The following AFDN variants were observed in gnomAD, a reference collection of about 807,000 sequenced individuals.
The protein encoded by AFDN is afadin.
A neutral mutation model predicts 216.6 loss-of-function variants in AFDN; 68 were observed. That is an observed-to-expected ratio of 0.31 (90% CI 0.26 to 0.38). The LOEUF is 0.38. AFDN is among the 10% of genes least tolerant of loss of function. The probability of loss-of-function intolerance (pLI) is 1.00; values close to 1 mark genes in which losing one functional copy is unlikely to be tolerated. For synonymous variants in AFDN, 868 were observed against 853.7 expected (o/e 1.02, Z -0.29); for missense variants, 2,136 against 2,342.0 (o/e 0.91, Z 1.82).
intron 23 of AFDN, among the ~76,000 whole-genome samples, chr6:167,939,300 G>A (rs138049522): frequency 9.8e-4 from 149 of 152,276 alleles, no homozygotes; most frequent in African/African-American, 3.4e-3. Context: ...TGAAAATGTC[G>A]TGAGGTGCCC....
intron 15 of AFDN, among the ~76,000 whole-genome samples, chr6:167,912,887 C>T (rs1207509206): frequency 6.6e-6 from 1 of 152,184 alleles, no homozygotes; most frequent in Non-Finnish European, 1.5e-5. Context: ...AAAGAATTTG[C>T]TCCCTTTAGT....
chr6:167,858,013 A>G (rs944877262), intron 1 of AFDN, among the ~76,000 whole-genome samples: 1 of 152,228 alleles, frequency 6.6e-6, no homozygotes, highest in Non-Finnish European at 1.5e-5. Context: ...AGGGTTTAAA[A>G]TGTTTTTAAT....
Position 167,848,428 on chromosome 6 carries a change from A to G in AFDN, c.106-16123A>G, listed in dbSNP as rs934678906. ...TACTGACGTGAAACTTCATATGAGT[A>G]GATATAGTTTATTTAACAGCTTTGC... On this transcript the variant is annotated intron_variant, in intron 1 of 33. Transcript: ENST00000683244. Among the ~76,000 whole-genome samples, 6 of 152,314 alleles carry G rather than the reference A, an allele frequency of 3.9e-5. No individual in the cohort carries two copies. The South Asian group carries it at 1.2e-3, about 32-fold the overall frequency.
intron 20 of AFDN, 66 bp from the exon 21 acceptor site, chr6:167,918,668 TA>T (rs1791410942): frequency 3.5e-6 from 5 of 1,421,160 alleles, no homozygotes; most frequent in Admixed American, 1.7e-5. Context: ...AGCCTTTGAA[TA>T]GTTGTTGGTC....
intron 29 of AFDN, among the ~76,000 whole-genome samples, chr6:167,950,884 C>T (rs1350172158): frequency 7.2e-5 from 10 of 138,684 alleles, no homozygotes; most frequent in Middle Eastern, 7.6e-3. Flanking sequence ...AAATTTTAGT[C>T]GAGACAGAGA....
chr6:167,865,795 AC>A (rs933471481), intron 2 of AFDN, among the ~76,000 whole-genome samples: 3 of 149,352 alleles, frequency 2.0e-5, no homozygotes, highest in Non-Finnish European at 3.0e-5. Flanking sequence ...TCTTTTTTGA[AC>A]CTTTTTTTTT....
intron 30 of AFDN, among the ~76,000 whole-genome samples, chr6:167,958,672 A>T (rs1170403807): frequency 6.6e-6 from 1 of 152,200 alleles, no homozygotes; most frequent in South Asian, 2.1e-4. Flanking sequence ...AGCCCAAGCT[A>T]GGTCTTCCCT....
intron 2 of AFDN, among the ~76,000 whole-genome samples, chr6:167,865,451 TA>T (rs573727484): frequency 2.2e-4 from 32 of 143,948 alleles, no homozygotes; most frequent in Admixed American, 2.8e-4. Flanking sequence ...CACAAAAAAA[TA>T]AAAAAAAAAA....
intron 1 of AFDN, among the ~76,000 whole-genome samples, chr6:167,831,051 T>C (rs1301636287): frequency 6.6e-6 from 1 of 151,162 alleles, no homozygotes; most frequent in Middle Eastern, 3.2e-3. Context: ...AAGTGATTCT[T>C]GTGCCTCAGC....
intron 23 of AFDN, 79 bp downstream of exon 23, chr6:167,925,170 G>A: frequency 9.9e-7 from 1 of 1,013,194 alleles, no homozygotes; most frequent in Non-Finnish European, 1.6e-6. Flanking sequence ...TGGATCGTGT[G>A]GGAGTACTTT....
rs1274499362 is a variant in AFDN at position 167,880,225 on chromosome 6, T to C, written c.740-135T>C. 1.6e-5 allele frequency: 12 copies of C among 747,362 alleles called. No individual in the cohort carries two copies. In the South Asian group the frequency reaches 2.1e-4, roughly 13 times the overall value. The allele number at this position is 747,362 out of a possible 1,614,324, so 46.3% of individuals were successfully genotyped here. The stretch of plus-strand genomic sequence containing the variant: ...TATCTAACAGGAAATGAAACAATAG[T>C]TATTAGGCAGATTGTCTTTACACTC... On this transcript the variant is annotated intron_variant, in intron 5 of 33. Coordinates refer to ENST00000683244, the MANE Select transcript of AFDN (RefSeq NM_001386888.1).
rs910175407 is a variant in AFDN at position 167,896,976 on chromosome 6, C to T, written c.1317+4C>T. ...GTTGGATGACAACTCTATCCAGGTA[C>T]GTAGTCTGAGCTTCCTGCTGCAACT... is the stretch of plus-strand genomic sequence containing the variant. On this transcript the variant is annotated splice_donor_region_variant and intron_variant, in intron 10 of 33. Coordinates refer to ENST00000683244, the MANE Select transcript of AFDN (RefSeq NM_001386888.1). The T allele has an allele frequency of 9.5e-6, 15 of 1,578,612 alleles. No individual in the cohort carries two copies. Among genetic ancestry groups the T allele is most frequent in the Non-Finnish European group, 1.2e-5 (14 of 1,147,992 alleles).
chr6:167,951,414 G>A lies in AFDN; in HGVS notation c.4060G>A (p.Ala1354Thr), dbSNP rs777903139. 6.2e-7 allele frequency: 1 copy of A among 1,613,806 alleles called. No individual in the cohort carries two copies. The highest frequency in any genetic ancestry group is 8.5e-7 in the Non-Finnish European group (1 of 1,179,960). Residue 1354 changes from alanine to threonine, a missense_variant, in exon 30 of 34, where the codon GCA (alanine) becomes ACA (threonine). Ala to Thr is a moderately conservative substitution (Grantham distance 58, BLOSUM62 0). This residue lies in a region of AFDN where 981 missense variants were observed against 966.0 expected (regional missense o/e 1.02). Transcript: ENST00000683244. This position sits in a 1 kb window ranked among gnomAD's most constrained non-coding sequence, Gnocchi z 7.1. ...TGGCCCTGGCCGTTGGAAAACACCA[G>A]CAGCCATACCGGCCACCCCTGTGGC... ...KSGPGRWKTP[A>T]AIPATPVAVS...
At chr6:167,912,870 A>C (rs73032777) in intron 15 of AFDN, among the ~76,000 whole-genome samples, 8,302 of 151,526 alleles carry the variant, frequency 0.055, 402 homozygotes, top group African/African-American at 0.13. Flanking sequence ...TTCTATTTTC[A>C]AAAAACAAAG....
At chr6:167,829,501 A>T (rs1439772188) in intron 1 of AFDN, among the ~76,000 whole-genome samples, 1 of 152,040 alleles carries the variant, frequency 6.6e-6, no homozygotes, top group South Asian at 2.1e-4. Flanking sequence ...CACAAGTCCA[A>T]TTTTTTAGTT....
At chr6:167,943,323 A>G (rs1351042649) in intron 24 of AFDN, 79 bp from the exon 25 acceptor site, 1 of 1,435,836 alleles carries the variant, frequency 7.0e-7, no homozygotes, top group Non-Finnish European at 9.8e-7. Flanking sequence ...TAGAGTATCT[A>G]CTCATCATTA....
chr6:167,882,191 G>A (rs1042775875), intron 6 of AFDN, among the ~76,000 whole-genome samples: 1 of 151,660 alleles, frequency 6.6e-6, no homozygotes, highest in South Asian at 2.1e-4. Flanking sequence ...AGAAACAGAC[G>A]GAGAAAGAAC....
intron 23 of AFDN, among the ~76,000 whole-genome samples, chr6:167,935,530 C>G (rs1187008001): frequency 1.3e-5 from 2 of 152,154 alleles, no homozygotes; most frequent in South Asian, 2.1e-4. Context: ...TTCCTGATGT[C>G]TTTGGAATCT....
At chr6:167,931,237 G>C (rs1174812229) in intron 23 of AFDN, among the ~76,000 whole-genome samples, 1 of 152,194 alleles carries the variant, frequency 6.6e-6, no homozygotes, top group Non-Finnish European at 1.5e-5. Flanking sequence ...GATGAATCTT[G>C]ATTCTGTCTT....
Sources: allele counts gnomAD v4.1 joint callset (sites outside exome capture counted in the v4.1 genomes callset), GRCh38; gene constraint gnomAD v4.1.1; regional missense constraint gnomAD v4.1.1; non-coding constraint Gnocchi (gnomAD v3.1); transcripts MANE v1.5; gene names NCBI Gene and HGNC (gene_info 2026-07-23, HGNC 2026-07-21).